TAS1R1: variants seen among roughly 807,000 people sequenced by gnomAD.
TAS1R1 encodes the protein taste receptor type 1 member 1.
A neutral mutation model predicts 45.8 loss-of-function variants in TAS1R1; 31 were observed. The ratio of observed to expected loss-of-function variants is 0.68; its 90% confidence interval spans 0.51 to 0.91. The LOEUF (loss-of-function observed/expected upper bound fraction) is 0.91, where lower values mean the gene tolerates loss of function less well. Among genes scored for constraint, TAS1R1 ranks in the 40% least tolerant of loss-of-function variants. The pLI, the probability that TAS1R1 is intolerant of heterozygous loss-of-function variation, is 0.00. For missense variants in TAS1R1, 1,051 were observed against 1,063.9 expected (o/e 0.99, Z 0.17); for synonymous variants, 437 against 448.4 (o/e 0.97, Z 0.32).
intron 5 of TAS1R1, among the ~76,000 whole-genome samples, chr1:6,577,807 G>A (rs1262632549): frequency 3.3e-5 from 5 of 152,050 alleles, no homozygotes; most frequent in Non-Finnish European, 2.9e-5. Flanking sequence ...CAGCCTGGGC[G>A]ACAAGAGAAA....
intron 1 of TAS1R1, 110 bp from the exon 2 acceptor site, chr1:6,570,799 C>A (rs934900270): frequency 4.0e-5 from 39 of 971,750 alleles, no homozygotes; most frequent in Non-Finnish European, 5.3e-5. Context: ...GGGGACTGGA[C>A]CGATGACCTC....
chr1:6,560,121 AC>A (rs1361255371), intron 1 of TAS1R1, among the ~76,000 whole-genome samples: 3 of 151,326 alleles, frequency 2.0e-5, no homozygotes, highest in African/African-American at 7.3e-5. Flanking sequence ...ACATGGAGAA[AC>A]CCCCCTCTCT....
intron 1 of TAS1R1, among the ~76,000 whole-genome samples, chr1:6,557,192 A>T (rs1244179096): frequency 6.6e-6 from 1 of 151,554 alleles, no homozygotes; most frequent in African/African-American, 2.4e-5. Flanking sequence ...TCGAAGGGCT[A>T]CAGCTAGAAA....
chr1:6,555,581 C>T lies in TAS1R1; in HGVS notation c.191+17C>T. The T allele has an allele frequency of 6.5e-7, 1 of 1,538,186 alleles. No homozygotes were observed. The highest frequency in any genetic ancestry group is 1.2e-5 in the South Asian group (1 of 83,644). On this transcript the variant is annotated intron_variant, in intron 1 of 5. Coordinates refer to ENST00000333172, the MANE Select transcript of TAS1R1 (RefSeq NM_138697.4). ...GTGTGACAGGTGAGTGAGGGGCCAG[C>T]AGAGCCACACTTAGTGGGACCCCTG... is the stretch of plus-strand genomic sequence containing the variant.
intron 1 of TAS1R1, among the ~76,000 whole-genome samples, chr1:6,563,646 G>A (rs1639826041): frequency 2.6e-5 from 4 of 152,138 alleles, no homozygotes; most frequent in Admixed American, 2.0e-4. Context: ...GATGGGGTTG[G>A]GCTGGTTTAG....
chr1:6,572,668 C>T (rs1398658558), intron 2 of TAS1R1, among the ~76,000 whole-genome samples: 1 of 152,038 alleles, frequency 6.6e-6, no homozygotes, highest in East Asian at 1.9e-4. Flanking sequence ...CTCCTTTTGC[C>T]CCACTTCCTC....
chr1:6,556,749 G>A (rs1388685186), intron 1 of TAS1R1, among the ~76,000 whole-genome samples: 2 of 151,682 alleles, frequency 1.3e-5, no homozygotes, highest in East Asian at 4.0e-4. Context: ...AGTGGCTCAC[G>A]CCTGTAATCC....
Position 6,571,061 on chromosome 1 carries a change from C to T in TAS1R1, c.344C>T (p.Thr115Met), listed in dbSNP as rs150473918. ...TCTGACTCTGCCAATGTGTATGCCA[C>T]GCTGAGAGTGCTCTCCCTGCCAGGG... Reference protein sequence around the residue: ...VCSDSANVYATLRVLSLPGQH... With the variant: ...VCSDSANVYAMLRVLSLPGQH... The change falls in exon 2 of 6, where the codon ACG becomes ATG. Residue 115 changes from threonine (T) to methionine (M), a missense_variant. Transcript: ENST00000333172. 1.7e-4 allele frequency: 275 copies of T among 1,614,192 alleles called. No individual in the cohort carries two copies. Among genetic ancestry groups the T allele is most frequent in the Middle Eastern group, 3.3e-4 (2 of 6,060 alleles).
intron 2 of TAS1R1, among the ~76,000 whole-genome samples, chr1:6,573,427 A>G (rs780078973): frequency 2.0e-5 from 3 of 151,956 alleles, no homozygotes; most frequent in Non-Finnish European, 4.4e-5. Flanking sequence ...ACCGCACTCC[A>G]TCCTGGGCGA....
Position 6,567,163 on chromosome 1 carries a change from G to A in TAS1R1, c.192-3746G>A, listed in dbSNP as rs564247742. On this transcript the variant is annotated intron_variant, in intron 1 of 5. Coordinates refer to ENST00000333172, the MANE Select transcript of TAS1R1 (RefSeq NM_138697.4). ...CTATGAGAAAATGGTATTGAATAGGGAACAAGTAAGAGGTCTGGTGGCACA... is the reference window on the plus strand; with the variant it reads ...CTATGAGAAAATGGTATTGAATAGGAAACAAGTAAGAGGTCTGGTGGCACA... Among the ~76,000 whole-genome samples the A allele has an allele frequency of 1.1e-4, 16 of 152,282 alleles. 1 individual carries two copies. The South Asian group carries it at 3.3e-3, about 32-fold the overall frequency.
Position 6,555,554 on chromosome 1 carries a change from C to A in TAS1R1, c.181C>A (p.Leu61Met). 6.5e-7 allele frequency: 1 copy of A among 1,548,634 alleles called. No individual in the cohort carries two copies. Among genetic ancestry groups the A allele is most frequent in the South Asian group, 1.2e-5 (1 of 84,066 alleles). The change falls in exon 1 of 6, where the codon CTG becomes ATG. Residue 61 changes from leucine to methionine, a missense_variant. Transcript: ENST00000333172. ...GGTGAGGCACAGACCCGAGGTGACC[C>A]TGTGTGACAGGTGAGTGAGGGGCCA... ...LQVRHRPEVT[L>M]CDRSCSFNEH...
In TAS1R1 at chr1:6,576,444, C is replaced by T. The variant is rs1640174812; in HGVS notation, c.1290C>T (p.Phe430=). ...TGGAGCAGATCCACAAGGTGCATTT[C>T]CTTCTACACAAGGACACTGTGGCGT... ...QLLEQIHKVH[F]LLHKDTVAFN... is the part of the protein sequence containing the mutation. The change falls in exon 4 of 6, where the codon TTC becomes TTT. Residue 430 remains phenylalanine, a synonymous_variant. Transcript: ENST00000333172. 2 of 1,614,220 alleles carry T rather than the reference C, an allele frequency of 1.2e-6. No individual in the cohort carries two copies. Among genetic ancestry groups the T allele is most frequent in the Non-Finnish European group, 1.7e-6 (2 of 1,180,050 alleles).
At chr1:6,566,518 C>T (rs1639874453) in intron 1 of TAS1R1, among the ~76,000 whole-genome samples, 1 of 152,022 alleles carries the variant, frequency 6.6e-6, no homozygotes, top group Non-Finnish European at 1.5e-5. Flanking sequence ...CAAAGAAGAC[C>T]ACGTGAGCAG....
Position 6,555,339 on chromosome 1 carries a change from T to G in TAS1R1, c.-35T>G. On this transcript the variant is annotated 5_prime_UTR_variant, in exon 1 of 6. Transcript: ENST00000333172. Reference sequence around the variant, plus strand: ...AGCAACTGGCCTCCTTAGAGGCCACTCCTTGGCCATGCCAGGCGCGGGCAT... The same window carrying G: ...AGCAACTGGCCTCCTTAGAGGCCACGCCTTGGCCATGCCAGGCGCGGGCAT... 2.6e-6 allele frequency: 4 copies of G among 1,534,318 alleles called. No homozygotes were observed. In the South Asian group the frequency reaches 4.7e-5, roughly 18 times the overall value.
At position 6,575,296 on chromosome 1, in the gene TAS1R1, C is replaced by A; in HGVS notation, c.1164C>A (p.Asn388Lys). ...CCTTCTCCATGAGTTCTGCCTACAA[C>A]GCATACCGGGCTGTGTATGCGGTGG... Reference protein sequence around the residue: ...LKAFSMSSAYNAYRAVYAVAH... With the variant: ...LKAFSMSSAYKAYRAVYAVAH... Residue 388 changes from asparagine to lysine, a missense_variant, in exon 3 of 6, where the codon AAC becomes AAA. Transcript: ENST00000333172. The A allele has an allele frequency of 1.2e-6, 2 of 1,613,078 alleles. No homozygotes were observed. Among genetic ancestry groups the A allele is most frequent in the South Asian group, 2.2e-5 (2 of 91,080 alleles).
At chr1:6,555,709 A>G (rs1184004612) in intron 1 of TAS1R1, 145 bp downstream of exon 1, 1 of 738,220 alleles carries the variant, frequency 1.4e-6, no homozygotes, top group Non-Finnish European at 2.2e-6. Context: ...CTTGCCACCT[A>G]AGTGCTGGCT....
At position 6,579,541 on chromosome 1, in the gene TAS1R1, A is replaced by G; in HGVS notation, c.2483A>G (p.Gln828Arg). ...GACCTCAACAGCACAGAGCACTTCCAGGCCTCCATTCAGGACTACACGAGG... is the reference window on the plus strand; with the variant it reads ...GACCTCAACAGCACAGAGCACTTCCGGGCCTCCATTCAGGACTACACGAGG... ...RPDLNSTEHF[Q>R]ASIQDYTRRC... is the part of the protein sequence containing the mutation. Residue 828 changes from glutamine (Q) to arginine (R), a missense_variant, in exon 6 of 6, where the codon CAG (glutamine) becomes CGG (arginine). Transcript: ENST00000333172. 1 of 1,612,636 alleles carries G rather than the reference A, an allele frequency of 6.2e-7. No individual in the cohort carries two copies. The highest frequency in any genetic ancestry group is 1.3e-5 in the African/African-American group (1 of 75,046).
chr1:6,579,037 T>TC lies in TAS1R1; in HGVS notation c.1980dup (p.Lys661GlnfsTer47), dbSNP rs747330260. The TC allele has an allele frequency of 6.8e-6, 11 of 1,613,050 alleles. No individual in the cohort carries two copies. The highest frequency in any genetic ancestry group is 1.1e-5 in the South Asian group (1 of 91,054). ...CGCTCATTCCAACTAATCATCATCT[T>TC]CAAGTTTTCCACCAAGGTACCTACA... is the stretch of plus-strand genomic sequence containing the variant. On this transcript the variant is annotated frameshift_variant, in exon 6 of 6. Transcript: ENST00000333172. LOFTEE classifies it low-confidence loss of function (END_TRUNC).
intron 2 of TAS1R1, among the ~76,000 whole-genome samples, chr1:6,571,591 G>A (rs991025087): frequency 2.6e-5 from 4 of 152,174 alleles, no homozygotes; most frequent in Non-Finnish European, 5.9e-5. Context: ...TGGGGAGGCT[G>A]GGCAGATCTC....
Sources: gnomAD v4.1 joint callset for allele counts (sites outside exome capture counted in the v4.1 genomes callset) on GRCh38, gnomAD v4.1.1 for gene constraint, MANE v1.5 for transcripts, NCBI Gene and HGNC (gene_info 2026-07-23, HGNC 2026-07-21) for gene names.